Variants in CLIC2 observed in about 807,000 individuals in gnomAD.
CLIC2 encodes chloride intracellular channel protein 2.
Under a neutral mutation model 14.8 loss-of-function variants are expected in CLIC2, and 9 were observed. That is an observed-to-expected ratio of 0.61 (90% CI 0.37 to 1.06). The LOEUF (loss-of-function observed/expected upper bound fraction) is 1.06. Ranked by LOEUF, CLIC2 falls within the 50% of genes least tolerant of loss-of-function variation. The pLI is 0.01. For missense variants in CLIC2, 148 were observed against 181.4 expected, an observed-to-expected ratio of 0.82 and a Z score of 1.06; for synonymous variants, 61 against 66.3, an observed-to-expected ratio of 0.92 and a Z score of 0.39.
At chrX:155,305,877 C>T (rs1211380789) in intron 1 of CLIC2, among the ~76,000 whole-genome samples, 6 of 111,890 alleles carry the variant, frequency 5.4e-5, no homozygotes, top group Non-Finnish European at 1.1e-4. Context: ...TGCTTATATA[C>T]ATCAAGATTA....
intron 1 of CLIC2, among the ~76,000 whole-genome samples, chrX:155,306,487 T>A (rs1557320043): frequency 9.0e-6 from 1 of 111,640 alleles, no homozygotes; most frequent in African/African-American, 3.3e-5. Context: ...CAGGCTCAGA[T>A]TTTTTTTATA....
At chrX:155,291,367 T>C in intron 3 of CLIC2, 1 of 720,491 alleles carries the variant, frequency 1.4e-6, no homozygotes, top group Non-Finnish European at 2.2e-6. Context: ...GATGCAGGTC[T>C]GGTGGGACGT....
Position 155,292,292 on chromosome X carries a change from A to G in CLIC2, c.293+6493T>C, listed in dbSNP as rs1459382160. The G allele has an allele frequency of 5.3e-6, 3 of 569,041 alleles. No homozygotes were observed. In the African/African-American group the frequency reaches 6.7e-5, roughly 13 times the overall value. 46.9% of individuals were successfully genotyped at this position (569,041 alleles called of 1,213,427 possible). A position where few individuals can be genotyped will look rare whatever the true frequency, so the allele number is the denominator to read the frequency against. On this transcript the variant is annotated intron_variant, in intron 3 of 5. Coordinates refer to ENST00000369449, the MANE Select transcript of CLIC2 (RefSeq NM_001289.6). ...CTACCTGAGAGAGCCAAATGTCATT[A>G]CTGAAACTCAATGCACTCTAGGTTT...
Position 155,300,468 on chromosome X carries a change from T to C in CLIC2, c.58-1323A>G, listed in dbSNP as rs1217793810. 2.3e-4 allele frequency among the ~76,000 whole-genome samples: 26 copies of C among 111,983 alleles called. No homozygotes were observed. The East Asian group carries it at 7.0e-3, about 30-fold the overall frequency. ...ATTTGTTTGAGTTCATTGTAGATTC[T>C]GGATATTAGCCCTTTGTCAGATGAG... On this transcript the variant is annotated intron_variant, in intron 1 of 5. Transcript: ENST00000369449.
chrX:155,281,291 G>A (rs2074918402), intron 3 of CLIC2, among the ~76,000 whole-genome samples: 1 of 109,338 alleles, frequency 9.1e-6, no homozygotes, highest in African/African-American at 3.3e-5. Flanking sequence ...GAGATATAAT[G>A]TATAATATGA....
At chrX:155,301,362 T>A (rs2075017254) in intron 1 of CLIC2, among the ~76,000 whole-genome samples, 1 of 110,767 alleles carries the variant, frequency 9.0e-6, no homozygotes, top group Admixed American at 9.6e-5. Flanking sequence ...AGTTCACTCA[T>A]GATTTGGCTC....
Position 155,305,536 on chromosome X carries a change from T to C in CLIC2, c.58-6391A>G, listed in dbSNP as rs187651091. Among the ~76,000 whole-genome samples the C allele has an allele frequency of 7.2e-3, 814 of 112,476 alleles. 7 individuals are homozygous for C. The highest frequency in any genetic ancestry group is 0.025 in the African/African-American group (772 of 30,995). ...GGAAATGCAGAAATCACCCGTCTTC[T>C]GCGTCGCTCATCCTGGGAGCTGTAG... On this transcript the variant is annotated intron_variant, in intron 1 of 5. Coordinates refer to ENST00000369449, the MANE Select transcript of CLIC2 (RefSeq NM_001289.6).
chrX:155,297,093 G>A (rs946135131), intron 3 of CLIC2, among the ~76,000 whole-genome samples: 1 of 112,149 alleles, frequency 8.9e-6, no homozygotes, highest in Non-Finnish European at 1.9e-5. Flanking sequence ...GATAAAGAAA[G>A]TGTGGTATAC....
At chrX:155,322,852 A>G (rs1254198488) in intron 1 of CLIC2, among the ~76,000 whole-genome samples, 3 of 112,180 alleles carry the variant, frequency 2.7e-5, no homozygotes, top group Non-Finnish European at 5.6e-5. Flanking sequence ...AATAGACACA[A>G]TAAAAAATGA....
chrX:155,326,599 G>T (rs904443789), intron 1 of CLIC2, among the ~76,000 whole-genome samples: 8 of 111,853 alleles, frequency 7.2e-5, no homozygotes, highest in African/African-American at 2.6e-4. Context: ...TCAGAGAAAT[G>T]AAAACTTATG....
chrX:155,279,377 G>A (rs781953130), intron 4 of CLIC2, 47 bp from the exon 5 acceptor site: 2 of 960,275 alleles, frequency 2.1e-6, no homozygotes, highest in Non-Finnish European at 3.0e-6. Context: ...ATTGTCTTTT[G>A]ACTAAATACA....
At chrX:155,324,158 A>G (rs895820062) in intron 1 of CLIC2, among the ~76,000 whole-genome samples, 7 of 112,569 alleles carry the variant, frequency 6.2e-5, no homozygotes, top group African/African-American at 2.3e-4. Flanking sequence ...TTCTTCACAG[A>G]ATTGGAATAT....
intron 1 of CLIC2, among the ~76,000 whole-genome samples, chrX:155,329,204 C>A (rs1208062964): frequency 1.8e-5 from 2 of 110,021 alleles, no homozygotes; most frequent in African/African-American, 6.6e-5. Flanking sequence ...AACCACCTAT[C>A]TGACAAGGGA....
chrX:155,327,038 A>G (rs1557322396), intron 1 of CLIC2, among the ~76,000 whole-genome samples: 2 of 111,261 alleles, frequency 1.8e-5, no homozygotes, highest in African/African-American at 6.5e-5. Context: ...TTTTCTTATC[A>G]TACTATAGTT....
chrX:155,328,309 T>A (rs782671008), intron 1 of CLIC2, among the ~76,000 whole-genome samples: 2 of 111,469 alleles, frequency 1.8e-5, no homozygotes, highest in African/African-American at 3.2e-5. Flanking sequence ...TCAGTAAAGT[T>A]GCAGGTTACA....
At chrX:155,286,734 T>A (rs1257017931) in intron 3 of CLIC2, among the ~76,000 whole-genome samples, 1 of 112,687 alleles carries the variant, frequency 8.9e-6, no homozygotes, top group African/African-American at 3.2e-5. Flanking sequence ...TCTCCAATGA[T>A]CACTAATGAG....
At chrX:155,290,497 C>T in intron 3 of CLIC2, 8 of 544,477 alleles carry the variant, frequency 1.5e-5, no homozygotes, top group Non-Finnish European at 2.3e-5. Flanking sequence ...CTCAATCTTT[C>T]TAATTACATC....
chrX:155,315,812 A>G (rs2075093213), intron 1 of CLIC2, among the ~76,000 whole-genome samples: 1 of 111,618 alleles, frequency 9.0e-6, no homozygotes, highest in Non-Finnish European at 1.9e-5. Context: ...CTTAAAAGAT[A>G]TAGAATCCAT....
At chrX:155,307,911 C>T (rs2075061349) in intron 1 of CLIC2, among the ~76,000 whole-genome samples, 2 of 110,864 alleles carry the variant, frequency 1.8e-5, no homozygotes, top group African/African-American at 6.6e-5. Context: ...AGAGGTGGAG[C>T]AGGAAAGCCA....
Sources: allele counts gnomAD v4.1 joint callset (sites outside exome capture counted in the v4.1 genomes callset), GRCh38; gene constraint gnomAD v4.1.1; transcripts MANE v1.5; gene names NCBI Gene and HGNC (gene_info 2026-07-23, HGNC 2026-07-21).